The following NVL variants were observed in gnomAD, a reference collection of about 807,000 sequenced individuals.
NVL encodes nuclear VCP like.
Under a neutral mutation model 110.2 loss-of-function variants are expected in NVL, and 84 were observed. The ratio of observed to expected loss-of-function variants is 0.76; its 90% CI spans 0.64 to 0.91. The LOEUF (loss-of-function observed/expected upper bound fraction) is 0.91, where lower values mean the gene tolerates loss of function less well. Among genes scored for constraint, NVL ranks in the 40% least tolerant of loss-of-function variants. NVL has a pLI of 0.00. For synonymous variants in NVL, 354 were observed against 361.1 expected (o/e 0.98, Z 0.22); for missense variants, 882 against 1,035.9 (o/e 0.85, Z 2.04).
chr1:224,286,056 A>C lies in NVL; in HGVS notation c.1869T>G (p.Pro623=). 1 of 1,614,042 alleles carries C rather than the reference A, an allele frequency of 6.2e-7. No individual in the cohort carries two copies. Among genetic ancestry groups the C allele is most frequent in the Non-Finnish European group, 8.5e-7 (1 of 1,179,938 alleles). The change falls in exon 15 of 23, where the codon CCT becomes CCG. Residue 623 remains proline, a synonymous_variant. Transcript: ENST00000281701. ...CCAGCAGAGTCTTCCCACAGCCAGG[A>C]GGACCAGCAAGGAGGACCCCAGCTG... ...VTPAGVLLAG[P]PGCGKTLLAK... is the part of the protein sequence containing the mutation.
intron 9 of NVL, among the ~76,000 whole-genome samples, chr1:224,303,260 C>T (rs563019686): frequency 1.6e-4 from 25 of 151,850 alleles, no homozygotes; most frequent in Non-Finnish European, 2.2e-4. Flanking sequence ...GAGGGTGAAA[C>T]CCCGTCTCTA....
chr1:224,306,777 G>A (rs560892626), intron 6 of NVL, among the ~76,000 whole-genome samples: 5 of 152,116 alleles, frequency 3.3e-5, no homozygotes, highest in Non-Finnish European at 7.4e-5. Flanking sequence ...AGGTTATAGT[G>A]AGCCGTGATC....
rs113790589 is a variant in NVL at position 224,268,262 on chromosome 1, A to G, written c.2083-129T>C. 17 of 656,354 alleles carry G rather than the reference A, an allele frequency of 2.6e-5. No homozygotes were observed. The African/African-American group carries it at 2.9e-4, about 11-fold the overall frequency. The allele number at this position is 656,354 out of a possible 1,614,324, so 40.7% of individuals were successfully genotyped here. ...AATGATAATTTTCTGAGGCGTCACTATATGCAGACACTGTGCAAAATGTGT... is the reference window on the plus strand; with the variant it reads ...AATGATAATTTTCTGAGGCGTCACTGTATGCAGACACTGTGCAAAATGTGT... On this transcript the variant is annotated intron_variant, in intron 17 of 22. Transcript: ENST00000281701.
intron 16 of NVL, among the ~76,000 whole-genome samples, chr1:224,277,069 T>A (rs1192450690): frequency 6.6e-6 from 1 of 152,112 alleles, no homozygotes; most frequent in Non-Finnish European, 1.5e-5. Context: ...TAAAGTACTT[T>A]GTATTATTAT....
intron 12 of NVL, among the ~76,000 whole-genome samples, chr1:224,291,961 G>A (rs973576905): frequency 5.3e-5 from 8 of 152,242 alleles, no homozygotes; most frequent in African/African-American, 1.4e-4. Flanking sequence ...GCAGCCACGT[G>A]AGACCGCAAG....
chr1:224,285,572 G>A (rs1023340382), intron 15 of NVL, among the ~76,000 whole-genome samples: 1 of 152,088 alleles, frequency 6.6e-6, no homozygotes, highest in African/African-American at 2.4e-5. Flanking sequence ...ATAGTAGTAG[G>A]TGGCAGTGAG....
At chr1:224,248,051 C>A (rs1662055256) in intron 19 of NVL, among the ~76,000 whole-genome samples, 1 of 152,280 alleles carries the variant, frequency 6.6e-6, no homozygotes, top group African/African-American at 2.4e-5. Context: ...CCAGAGGACT[C>A]TCCTGAACTC....
At position 224,294,420 on chromosome 1, in the gene NVL, A is replaced by T; in HGVS notation, c.1181-9T>A. 1 of 1,613,780 alleles carries T rather than the reference A, an allele frequency of 6.2e-7. No individual in the cohort carries two copies. The highest frequency in any genetic ancestry group is 8.5e-7 in the Non-Finnish European group (1 of 1,179,876). On this transcript the variant is annotated splice_polypyrimidine_tract_variant and intron_variant, in intron 11 of 22. Coordinates refer to ENST00000281701, the MANE Select transcript of NVL (RefSeq NM_002533.4). ...AGCCACATTATTCAGATCTAGTAAG[A>T]GACAGAGAAAGAGTAGTGAACAAAG... is the stretch of plus-strand genomic sequence containing the variant.
intron 16 of NVL, 87 bp downstream of exon 16, chr1:224,281,036 T>C (rs1446385643): frequency 8.3e-7 from 1 of 1,211,728 alleles, no homozygotes. Flanking sequence ...CCACAATTGC[T>C]GAAAGATCTG....
At chr1:224,271,626 G>A (rs934955753) in intron 17 of NVL, among the ~76,000 whole-genome samples, 5 of 151,852 alleles carry the variant, frequency 3.3e-5, no homozygotes, top group Admixed American at 1.3e-4. Flanking sequence ...AGAGTAATAC[G>A]GAGGAGAATG....
chr1:224,317,860 T>A lies in NVL; in HGVS notation c.184+18A>T. 7.0e-7 allele frequency: 1 copy of A among 1,424,900 alleles called. No individual in the cohort carries two copies. Among genetic ancestry groups the A allele is most frequent in the Non-Finnish European group, 9.3e-7 (1 of 1,080,056 alleles). 88.3% of individuals were successfully genotyped at this position (1,424,900 alleles called of 1,614,324 possible). On this transcript the variant is annotated intron_variant, in intron 3 of 22. Coordinates refer to ENST00000281701, the MANE Select transcript of NVL (RefSeq NM_002533.4). ...TGTATAACTTTATTGATAATTTAGC[T>A]CTAACAATAAGACTCACCTTTTTCT... is the stretch of plus-strand genomic sequence containing the variant.
At chr1:224,290,627 C>A (rs1667276408) in intron 12 of NVL, among the ~76,000 whole-genome samples, 1 of 152,004 alleles carries the variant, frequency 6.6e-6, no homozygotes, top group African/African-American at 2.4e-5. Context: ...ACGGTGAAAC[C>A]CCGTCTCTAC....
At chr1:224,318,215 T>C (rs1558358428) in intron 2 of NVL, among the ~76,000 whole-genome samples, 1 of 152,230 alleles carries the variant, frequency 6.6e-6, no homozygotes, top group East Asian at 1.9e-4. Context: ...CACTCGTATA[T>C]TCTTTACCTA....
At chr1:224,273,551 G>A (rs371900676) in intron 17 of NVL, among the ~76,000 whole-genome samples, 16 of 152,154 alleles carry the variant, frequency 1.1e-4, no homozygotes, top group African/African-American at 3.6e-4. Context: ...TACTTCATAC[G>A]GCTACAGACT....
At chr1:224,272,729 C>CAAAACAA (rs1665259144) in intron 17 of NVL, among the ~76,000 whole-genome samples, 1 of 148,972 alleles carries the variant, frequency 6.7e-6, no homozygotes, top group Non-Finnish European at 1.5e-5. Context: ...AACAAACAAA[C>CAAAACAA]AAAACAAAAA....
At chr1:224,257,503 G>A (rs1010776419) in intron 18 of NVL, among the ~76,000 whole-genome samples, 19 of 80,598 alleles carry the variant, frequency 2.4e-4, no homozygotes, top group Admixed American at 2.3e-3. Flanking sequence ...AGGACAAGTG[G>A]TTTTTTGTTT....
intron 11 of NVL, among the ~76,000 whole-genome samples, chr1:224,294,821 T>C (rs1464283627): frequency 6.6e-6 from 1 of 152,062 alleles, no homozygotes; most frequent in Non-Finnish European, 1.5e-5. Flanking sequence ...AGCAGATATA[T>C]AGGCTAATGG....
intron 2 of NVL, 64 bp from the exon 3 acceptor site, chr1:224,317,994 AT>A: frequency 9.4e-7 from 1 of 1,059,154 alleles, no homozygotes; most frequent in Non-Finnish European, 1.4e-6. Flanking sequence ...ATTAAGTTCA[AT>A]CTAAATGGAT....
At chr1:224,296,294 G>A (rs1017717108) in intron 11 of NVL, among the ~76,000 whole-genome samples, 3 of 152,026 alleles carry the variant, frequency 2.0e-5, no homozygotes, top group Non-Finnish European at 4.4e-5. Flanking sequence ...TGCCCAGGCT[G>A]GCCTCAAACT....
Sources: gnomAD v4.1 joint callset for allele counts (sites outside exome capture counted in the v4.1 genomes callset) on GRCh38, gnomAD v4.1.1 for gene constraint, MANE v1.5 for transcripts, NCBI Gene and HGNC (gene_info 2026-07-23, HGNC 2026-07-21) for gene names.